Variants in COL5A1 observed in about 807,000 individuals in gnomAD.
COL5A1 encodes collagen alpha-1(V) chain.
COL5A1 carries 16 observed loss-of-function variants against 263.7 expected under a neutral mutation model. The observed-to-expected ratio is 0.06, with a 90% CI of 0.04 to 0.09. COL5A1 has a LOEUF of 0.09. Ranked by LOEUF, COL5A1 falls within the 10% of genes least tolerant of loss-of-function variation. The pLI, the probability that COL5A1 is intolerant of heterozygous loss-of-function variation, is 1.00. For synonymous variants in COL5A1, 1,012 were observed against 1,004.5 expected (o/e 1.01, Z -0.14); for missense variants, 2,036 against 2,540.5 (o/e 0.80, Z 4.27).
At chr9:134,799,809 G>A (rs761162987) in intron 37 of COL5A1, among the ~76,000 whole-genome samples, 2 of 152,210 alleles carry the variant, frequency 1.3e-5, no homozygotes, top group Non-Finnish European at 2.9e-5. Flanking sequence ...TTTCTCTAAT[G>A]CCTTTTCAAG....
At chr9:134,832,545 A>G (rs1231881854) in intron 64 of COL5A1, among the ~76,000 whole-genome samples, 3 of 152,192 alleles carry the variant, frequency 2.0e-5, no homozygotes, top group Non-Finnish European at 4.4e-5. Flanking sequence ...TGGGGTTCCA[A>G]TGCAGGGCAG....
At chr9:134,733,276 C>A (rs1384300949) in intron 9 of COL5A1, among the ~76,000 whole-genome samples, 2 of 152,214 alleles carry the variant, frequency 1.3e-5, no homozygotes, top group South Asian at 2.1e-4. Flanking sequence ...ACTTAGCAGG[C>A]CTTTATACCC....
intron 28 of COL5A1, among the ~76,000 whole-genome samples, chr9:134,781,377 GC>G (rs1253520774): frequency 1.3e-5 from 2 of 152,370 alleles, no homozygotes; most frequent in African/African-American, 2.4e-5. Flanking sequence ...CTCTCCAAGA[GC>G]ACTGCTTTCT....
In COL5A1 at chr9:134,843,930, C is replaced by T. The variant is rs1174336411; in HGVS notation, c.*1627C>T. Reference sequence around the variant, plus strand: ...GCGGGTGAGGTCCCCTTTGGGGAACCCTTTCCTGGCCATCGAGGTCGGGGG... The same window carrying T: ...GCGGGTGAGGTCCCCTTTGGGGAACTCTTTCCTGGCCATCGAGGTCGGGGG... On this transcript the variant is annotated 3_prime_UTR_variant, in exon 66 of 66. Coordinates refer to ENST00000371817, the MANE Select transcript of COL5A1 (RefSeq NM_000093.5). The T allele has an allele frequency of 6.6e-6, 1 of 152,374 alleles. No homozygotes were observed. Among genetic ancestry groups the T allele is most frequent in the African/African-American group, 2.4e-5 (1 of 41,464 alleles). The allele number at this position is 152,374 out of a possible 1,614,324, so 9.4% of individuals were successfully genotyped here.
chr9:134,820,298 C>CAG, intron 58 of COL5A1, 75 bp downstream of exon 58: 1 of 1,189,770 alleles, frequency 8.4e-7, no homozygotes, highest in Non-Finnish European at 1.2e-6. Context: ...ACCCAGGGGA[C>CAG]AGGAGGCCCA....
At chr9:134,759,606 C>G (rs1459075983) in intron 18 of COL5A1, among the ~76,000 whole-genome samples, 1 of 118,120 alleles carries the variant, frequency 8.5e-6, no homozygotes, top group Non-Finnish European at 1.6e-5. Flanking sequence ...ACCCCCACAC[C>G]CCCACACACA....
At chr9:134,808,606 C>T (rs550522357) in intron 42 of COL5A1, among the ~76,000 whole-genome samples, 32 of 151,874 alleles carry the variant, frequency 2.1e-4, no homozygotes, top group African/African-American at 3.2e-4. Context: ...TGTGCACATG[C>T]GAGTATGCTT....
Position 134,741,592 on chromosome 9 carries a change from T to G in COL5A1, c.1494+2784T>G, listed in dbSNP as rs1835305328. ...ATAAGGGGCGCTCTCCAAATCCTGG[T>G]ACAGAAGCAGAGGCAGGAGGGTGGG... On this transcript the variant is annotated intron_variant, in intron 11 of 65. Transcript: ENST00000371817. The surrounding 1 kb of genome is among the most constrained non-coding windows in gnomAD (Gnocchi z 4.5). Among the ~76,000 whole-genome samples the G allele has an allele frequency of 6.6e-6, 1 of 151,162 alleles. No homozygotes were observed. Among genetic ancestry groups the G allele is most frequent in the Non-Finnish European group, 1.5e-5 (1 of 67,846 alleles).
rs186350534 is a variant in COL5A1 at position 134,801,104 on chromosome 9, C to T, written c.2953-850C>T. 5.4e-3 allele frequency among the ~76,000 whole-genome samples: 818 copies of T among 152,340 alleles called. 8 individuals are homozygous for T. Among genetic ancestry groups the T allele is most frequent in the African/African-American group, 0.018 (769 of 41,580 alleles). ...TTGAGGGAGAGTACAGAAGTCGTGG[C>T]GACACCCACAGCCAAGCCAGGATCG... On this transcript the variant is annotated intron_variant, in intron 37 of 65. Transcript: ENST00000371817.
rs145488092 is a variant in COL5A1, at chr9:134,748,564, G to A, written c.1495-1978G>A. Among the ~76,000 whole-genome samples the A allele has an allele frequency of 1.2e-3, 182 of 152,358 alleles. 1 individual carries two copies. In the Middle Eastern group the frequency reaches 0.024, roughly 20 times the overall value. ...GTGGCTATGAGGATTGTATGTCAAT[G>A]ACAAAACCTGGGCGGCAAACATGTT... is the stretch of plus-strand genomic sequence containing the variant. On this transcript the variant is annotated intron_variant, in intron 11 of 65. Coordinates refer to ENST00000371817, the MANE Select transcript of COL5A1 (RefSeq NM_000093.5).
Position 134,825,862 on chromosome 9 carries a change from C to G in COL5A1, c.5025C>G (p.Ala1675=), listed in dbSNP as rs560774273. 7.4e-6 allele frequency: 12 copies of G among 1,613,198 alleles called. No homozygotes were observed. The highest frequency in any genetic ancestry group is 3.3e-5 in the Admixed American group (2 of 59,962). The part of the protein sequence containing the change: ...DSFKVYCNFT[A]GGSTCVFPDK... Reference sequence around the variant, plus strand: ...TCAAGGTTTACTGCAACTTCACAGCCGGGGGGTCGACATGCGTCTTCCCTG... The same window carrying G: ...TCAAGGTTTACTGCAACTTCACAGCGGGGGGGTCGACATGCGTCTTCCCTG... The change falls in exon 63 of 66, where the codon GCC becomes GCG. Residue 1675 remains alanine, a synonymous_variant. Coordinates refer to ENST00000371817, the MANE Select transcript of COL5A1 (RefSeq NM_000093.5).
intron 4 of COL5A1, among the ~76,000 whole-genome samples, chr9:134,718,874 T>TG (rs931692224): frequency 2.0e-5 from 3 of 152,040 alleles, no homozygotes; most frequent in Non-Finnish European, 2.9e-5. Context: ...GCCTTCCTCC[T>TG]GGGGGGGCTG....
intron 63 of COL5A1, among the ~76,000 whole-genome samples, chr9:134,828,533 CCA>C (rs1444138628): frequency 6.7e-6 from 1 of 149,690 alleles, no homozygotes; most frequent in Non-Finnish European, 1.5e-5. Flanking sequence ...GATACACATA[CCA>C]CACACCACAG....
chr9:134,718,653 C>T (rs146520369), intron 4 of COL5A1, among the ~76,000 whole-genome samples: 3 of 152,302 alleles, frequency 2.0e-5, no homozygotes, highest in Admixed American at 6.5e-5. Flanking sequence ...TGGGAGCCCA[C>T]GGCCGTTCTG....
rs908411372 is a variant in COL5A1 at position 134,765,095 on chromosome 9, C to T, written c.2035-586C>T. On this transcript the variant is annotated intron_variant, in intron 20 of 65. Coordinates refer to ENST00000371817, the MANE Select transcript of COL5A1 (RefSeq NM_000093.5). The surrounding 1 kb of genome is among the most constrained non-coding windows in gnomAD (Gnocchi z 5.1). ...GAGGTTCTGCACGAGCCTCGCCGACCGGAGAGGGCGTGCCAGCTCTTGCCC... is the reference window on the plus strand; with the variant it reads ...GAGGTTCTGCACGAGCCTCGCCGACTGGAGAGGGCGTGCCAGCTCTTGCCC... Among the ~76,000 whole-genome samples the T allele has an allele frequency of 2.0e-5, 3 of 152,078 alleles. No individual in the cohort carries two copies. The highest frequency in any genetic ancestry group is 4.8e-5 in the African/African-American group (2 of 41,400).
At chr9:134,763,614 C>G in intron 19 of COL5A1, 79 bp from the exon 20 acceptor site, 1 of 1,440,014 alleles carries the variant, frequency 6.9e-7, no homozygotes, top group East Asian at 2.3e-5. Flanking sequence ...GCCAGAGAAC[C>G]CTTGTGCACC....
intron 4 of COL5A1, chr9:134,709,340 C>A (rs977269107): frequency 3.4e-6 from 1 of 293,462 alleles, no homozygotes; most frequent in Non-Finnish European, 6.6e-6. Context: ...GGCTAGCAGG[C>A]GGTTGGCCAA....
intron 9 of COL5A1, among the ~76,000 whole-genome samples, chr9:134,733,688 C>T (rs983197993): frequency 2.2e-4 from 33 of 152,202 alleles, no homozygotes; most frequent in African/African-American, 6.5e-4. Flanking sequence ...GACTGCCGTC[C>T]GCCTGGGCGG....
At chr9:134,710,307 G>C (rs1278894685) in intron 4 of COL5A1, among the ~76,000 whole-genome samples, 1 of 152,276 alleles carries the variant, frequency 6.6e-6, no homozygotes, top group African/African-American at 2.4e-5. Flanking sequence ...GGTAGTCATA[G>C]TGATTGTGCA....
Sources: allele counts gnomAD v4.1 joint callset (sites outside exome capture counted in the v4.1 genomes callset), GRCh38; gene constraint gnomAD v4.1.1; non-coding constraint Gnocchi (gnomAD v3.1); transcripts MANE v1.5; gene names NCBI Gene and HGNC (gene_info 2026-07-23, HGNC 2026-07-21).